ANGPT2: variants seen among roughly 807,000 people sequenced by gnomAD.
ANGPT2 encodes the protein angiopoietin-2.
Under a neutral mutation model 62.9 loss-of-function variants are expected in ANGPT2, and 28 were observed. The ratio of observed to expected loss-of-function variants is 0.44; its 90% CI spans 0.33 to 0.61. ANGPT2 has a LOEUF of 0.61. ANGPT2 is among the 20% of genes least tolerant of loss of function. ANGPT2 has a pLI of 0.03. For missense variants in ANGPT2, 727 were observed against 594.9 expected (o/e 1.22, Z -2.31); for synonymous variants, 284 against 207.8 (o/e 1.37, Z -3.15).
At chr8:6,505,229 GTATATATAGAATATATATTCTTTATA>G (rs1563305017) in intron 8 of ANGPT2, among the ~76,000 whole-genome samples, 2 of 31,702 alleles carry the variant, frequency 6.3e-5, no homozygotes, top group Admixed American at 4.7e-4. Flanking sequence ...ATATTCTTAT[GTATATATAGAATATATATTCTTTATA>G]TATGTTTTAT....
chr8:6,513,136 T>C (rs1185484572), intron 7 of ANGPT2, among the ~76,000 whole-genome samples: 1 of 152,198 alleles, frequency 6.6e-6, no homozygotes, highest in Non-Finnish European at 1.5e-5. Flanking sequence ...TTCTAGGCTT[T>C]GAAGATACAC....
At chr8:6,546,078 G>A (rs1822532066) in intron 1 of ANGPT2, among the ~76,000 whole-genome samples, 1 of 152,178 alleles carries the variant, frequency 6.6e-6, no homozygotes, top group Non-Finnish European at 1.5e-5. Flanking sequence ...AGGAACTACT[G>A]GCTCAATACT....
chr8:6,550,383 C>G (rs1032959475), intron 1 of ANGPT2, among the ~76,000 whole-genome samples: 1 of 152,212 alleles, frequency 6.6e-6, no homozygotes, highest in Non-Finnish European at 1.5e-5. Context: ...TAGGGCTGCA[C>G]CCAGACACGT....
chr8:6,551,642 C>A (rs1410435320), intron 1 of ANGPT2, among the ~76,000 whole-genome samples: 1 of 152,128 alleles, frequency 6.6e-6, no homozygotes, highest in Non-Finnish European at 1.5e-5. Context: ...AAAAATGATT[C>A]AGGTCAGGAA....
At chr8:6,508,144 A>T (rs1206838860) in intron 8 of ANGPT2, 3 of 152,200 alleles carry the variant, frequency 2.0e-5, no homozygotes, top group African/African-American at 7.2e-5. Context: ...ATATTAATGG[A>T]ATCTTTTTTA....
intron 1 of ANGPT2, among the ~76,000 whole-genome samples, chr8:6,545,994 T>A (rs563468371): frequency 6.6e-6 from 1 of 152,348 alleles, no homozygotes; most frequent in African/African-American, 2.4e-5. Flanking sequence ...GAAGCCATTG[T>A]CATTACAGAT....
At chr8:6,524,443 C>A (rs548013687) in intron 3 of ANGPT2, among the ~76,000 whole-genome samples, 2 of 152,326 alleles carry the variant, frequency 1.3e-5, no homozygotes, top group African/African-American at 4.8e-5. Flanking sequence ...GGCCATTTAA[C>A]ACTGCTGTGA....
At position 6,508,999 on chromosome 8, in the gene ANGPT2, A is replaced by G. The variant is rs1240442342; in HGVS notation, c.1260T>C (p.Asn420=). 4 of 1,613,868 alleles carry G rather than the reference A, an allele frequency of 2.5e-6. No individual in the cohort carries two copies. The highest frequency in any genetic ancestry group is 3.4e-6 in the Non-Finnish European group (4 of 1,180,016). ...GKISSISQPG[N]DFSTKDGDND... is the part of the protein sequence containing the mutation. Reference sequence around the variant, plus strand: ...TGTCTCCATCCTTTGTGCTAAAATCATTTCCTGGTTGGCTGATGCTGCTTA... The same window carrying G: ...TGTCTCCATCCTTTGTGCTAAAATCGTTTCCTGGTTGGCTGATGCTGCTTA... The change falls in exon 8 of 9, where the codon AAT becomes AAC. Residue 420 remains asparagine (N), a synonymous_variant. Transcript: ENST00000629816.
Position 6,562,928 on chromosome 8 carries a change from G to A in ANGPT2, c.7C>T (p.Gln3Ter). 1 of 1,584,544 alleles carries A rather than the reference G, an allele frequency of 6.3e-7. No individual in the cohort carries two copies. Among genetic ancestry groups the A allele is most frequent in the Non-Finnish European group, 8.6e-7 (1 of 1,157,238 alleles). MW[Q>*]IVFFTLSCDL... is the part of the protein sequence containing the mutation. ...CAGCTCAGAGTAAAGAAAACAATCT[G>A]CCACATTCTTTCTTCAGTAATAAAC... Residue 3 changes from glutamine (Q) to a stop codon, truncating the protein, a stop_gained, in exon 1 of 9, where the codon CAG (glutamine) becomes TAG (stop). Coordinates refer to ENST00000629816, the MANE Select transcript of ANGPT2 (RefSeq NM_001118887.2). LOFTEE classifies it high-confidence loss of function.
At chr8:6,534,636 A>C (rs1820173014) in intron 1 of ANGPT2, among the ~76,000 whole-genome samples, 1 of 152,176 alleles carries the variant, frequency 6.6e-6, no homozygotes, top group African/African-American at 2.4e-5. Context: ...AAGTATTAAA[A>C]AATTTTTAAA....
At chr8:6,537,272 G>A (rs906790343) in intron 1 of ANGPT2, among the ~76,000 whole-genome samples, 1 of 152,160 alleles carries the variant, frequency 6.6e-6, no homozygotes, top group Non-Finnish European at 1.5e-5. Flanking sequence ...AGGTCCTGCT[G>A]TATATGTGTG....
chr8:6,523,006 T>G (rs73199054), intron 3 of ANGPT2, among the ~76,000 whole-genome samples: 21 of 152,096 alleles, frequency 1.4e-4, no homozygotes, highest in Middle Eastern at 3.4e-3. Flanking sequence ...GTTTTTTTTT[T>G]TCTTTTTTTG....
At chr8:6,504,562 C>G (rs1175153681) in intron 8 of ANGPT2, among the ~76,000 whole-genome samples, 2 of 151,764 alleles carry the variant, frequency 1.3e-5, no homozygotes, top group Admixed American at 6.6e-5. Flanking sequence ...AATAATGGCC[C>G]CAAAAGTGCA....
intron 4 of ANGPT2, among the ~76,000 whole-genome samples, chr8:6,520,307 T>G (rs1173867405): frequency 1.3e-5 from 2 of 152,202 alleles, no homozygotes; most frequent in African/African-American, 4.8e-5. Context: ...AATTATTACT[T>G]TTGAAGATCT....
intron 8 of ANGPT2, among the ~76,000 whole-genome samples, chr8:6,506,946 G>C (rs1471828623): frequency 6.6e-6 from 1 of 151,818 alleles, no homozygotes; most frequent in Non-Finnish European, 1.5e-5. Context: ...CGTCCAGGCT[G>C]GATTGTACTG....
At chr8:6,545,183 G>A (rs1822349501) in intron 1 of ANGPT2, among the ~76,000 whole-genome samples, 1 of 152,090 alleles carries the variant, frequency 6.6e-6, no homozygotes, top group South Asian at 2.1e-4. Flanking sequence ...GGTGGGAGGG[G>A]TTTGAGGCTG....
At chr8:6,527,513 G>C in intron 3 of ANGPT2, 42 bp downstream of exon 3, 1 of 1,592,240 alleles carries the variant, frequency 6.3e-7, no homozygotes, top group Non-Finnish European at 8.6e-7. Flanking sequence ...TATCTGGAAA[G>C]TGTGCAGTCC....
chr8:6,534,396 G>C (rs1820129860), intron 1 of ANGPT2, among the ~76,000 whole-genome samples: 1 of 152,140 alleles, frequency 6.6e-6, no homozygotes. Context: ...GAGCACCGTG[G>C]ATTTTGGTAT....
intron 2 of ANGPT2, among the ~76,000 whole-genome samples, chr8:6,529,409 A>G (rs947016146): frequency 1.3e-5 from 2 of 151,888 alleles, no homozygotes; most frequent in African/African-American, 4.8e-5. Flanking sequence ...GAGTGGGTAC[A>G]TAATTCAGTT....
Sources: gnomAD v4.1 joint callset for allele counts (sites outside exome capture counted in the v4.1 genomes callset) on GRCh38, gnomAD v4.1.1 for gene constraint, MANE v1.5 for transcripts, NCBI Gene and HGNC (gene_info 2026-07-23, HGNC 2026-07-21) for gene names.